ARHGAP24: variants seen among roughly 807,000 people sequenced by gnomAD.
The protein encoded by ARHGAP24 is Rho GTPase activating protein 24, also known as rho GTPase-activating protein 24.
A neutral mutation model predicts 76.4 loss-of-function variants in ARHGAP24; 50 were observed. The observed-to-expected ratio is 0.65, with a 90% CI of 0.52 to 0.83. The LOEUF is 0.83. ARHGAP24 is among the 40% of genes least tolerant of loss of function. The probability of loss-of-function intolerance (pLI) is 0.00; values close to 1 mark genes in which losing one functional copy is unlikely to be tolerated. For synonymous variants in ARHGAP24, 345 were observed against 323.3 expected, an observed-to-expected ratio of 1.07 and a Z score of -0.72; for missense variants, 930 against 914.2, an observed-to-expected ratio of 1.02 and a Z score of -0.22.
chr4:85,860,255 T>C (rs896257446), intron 3 of ARHGAP24, among the ~76,000 whole-genome samples: 1 of 151,670 alleles, frequency 6.6e-6, no homozygotes, highest in African/African-American at 2.4e-5. Context: ...TGTAGAGAGA[T>C]GGGGGAGTCA....
At chr4:85,669,647 ATATATATATAT>A (rs1722752989) in intron 2 of ARHGAP24, among the ~76,000 whole-genome samples, 1 of 6,826 alleles carries the variant, frequency 1.5e-4, no homozygotes, top group Non-Finnish European at 2.2e-4. Flanking sequence ...ACTTTCAAAT[ATATATATATAT>A]ATATATATAT....
At chr4:85,597,545 A>G (rs1719881548) in intron 2 of ARHGAP24, among the ~76,000 whole-genome samples, 1 of 152,082 alleles carries the variant, frequency 6.6e-6, no homozygotes, top group South Asian at 2.1e-4. Context: ...ATTCTCAGTC[A>G]TATGGCTACT....
At chr4:85,538,597 C>G (rs2110121295) in intron 1 of ARHGAP24, among the ~76,000 whole-genome samples, 1 of 152,214 alleles carries the variant, frequency 6.6e-6, no homozygotes, top group African/African-American at 2.4e-5. Flanking sequence ...CTCCACGCAC[C>G]TATTTGACTT....
chr4:85,997,908 C>T lies in ARHGAP24; in HGVS notation c.2003+2251C>T, dbSNP rs569840598. Among the ~76,000 whole-genome samples the T allele has an allele frequency of 7.8e-4, 119 of 152,232 alleles. 1 individual carries two copies. The highest frequency in any genetic ancestry group is 2.7e-3 in the African/African-American group (112 of 41,536). ...TTGACCTCAAATGATCCACCCACCT[C>T]GGCCTCCCAAAGTGCTGGGGTTACA... On this transcript the variant is annotated intron_variant, in intron 9 of 9. Transcript: ENST00000395184.
intron 2 of ARHGAP24, among the ~76,000 whole-genome samples, chr4:85,635,874 A>G (rs374720524): frequency 2.3e-4 from 35 of 152,030 alleles, no homozygotes; most frequent in African/African-American, 7.7e-4. Flanking sequence ...ACTAACACAC[A>G]TTATCAAAAT....
At chr4:85,557,824 A>G (rs1017122426) in intron 1 of ARHGAP24, among the ~76,000 whole-genome samples, 2 of 152,170 alleles carry the variant, frequency 1.3e-5, no homozygotes, top group Non-Finnish European at 2.9e-5. Flanking sequence ...AAGACTACAT[A>G]TTCTTAGTGA....
intron 1 of ARHGAP24, among the ~76,000 whole-genome samples, chr4:85,543,987 C>T (rs972936354): frequency 6.6e-6 from 1 of 152,114 alleles, no homozygotes; most frequent in Non-Finnish European, 1.5e-5. Flanking sequence ...TGTAATTTTT[C>T]CTGCTCCCAC....
chr4:85,668,180 A>G (rs1218413675), intron 2 of ARHGAP24, among the ~76,000 whole-genome samples: 1 of 152,188 alleles, frequency 6.6e-6, no homozygotes, highest in East Asian at 1.9e-4. Flanking sequence ...CACTTGCCCT[A>G]ACTTCCATTC....
At chr4:85,857,281 T>C (rs1278753387) in intron 3 of ARHGAP24, among the ~76,000 whole-genome samples, 1 of 152,220 alleles carries the variant, frequency 6.6e-6, no homozygotes, top group East Asian at 1.9e-4. Context: ...GGTTCTTTCA[T>C]AAATATTTAT....
At chr4:85,670,191 A>T (rs967197737) in intron 2 of ARHGAP24, among the ~76,000 whole-genome samples, 3 of 152,164 alleles carry the variant, frequency 2.0e-5, no homozygotes, top group Non-Finnish European at 1.5e-5. Flanking sequence ...ACGGTGCCTG[A>T]TGGTGCCAGC....
intron 3 of ARHGAP24, among the ~76,000 whole-genome samples, chr4:85,846,899 T>G (rs1730925269): frequency 6.6e-6 from 1 of 152,160 alleles, no homozygotes; most frequent in East Asian, 1.9e-4. Flanking sequence ...TTACAATAAT[T>G]TTACTGCCAG....
Position 86,000,477 on chromosome 4 carries a change from A to G in ARHGAP24, c.2004-2A>G. Reference sequence around the variant, plus strand: ...CCCCACCCCCCCCAACATCCTTTGTAGCTTAGAACAGCGAAACTTGACTTT... The same window carrying G: ...CCCCACCCCCCCCAACATCCTTTGTGGCTTAGAACAGCGAAACTTGACTTT... On this transcript the variant is annotated splice_acceptor_variant, in intron 9 of 9. Transcript: ENST00000395184. LOFTEE classifies it high-confidence loss of function. 1 of 1,176,686 alleles carries G rather than the reference A, an allele frequency of 8.5e-7. No individual in the cohort carries two copies. The highest frequency in any genetic ancestry group is 1.2e-6 in the Non-Finnish European group (1 of 868,332). The allele number at this position is 1,176,686 out of a possible 1,614,324, so 72.9% of individuals were successfully genotyped here.
chr4:85,970,128 T>A (rs1227233977), intron 5 of ARHGAP24, among the ~76,000 whole-genome samples: 3 of 152,120 alleles, frequency 2.0e-5, no homozygotes, highest in Non-Finnish European at 4.4e-5. Flanking sequence ...AGTCCTATGG[T>A]CCATGAGGTT....
rs150235779 is a variant in ARHGAP24, at chr4:85,585,061, A to G, written c.180+14340A>G. On this transcript the variant is annotated intron_variant, in intron 2 of 9. Transcript: ENST00000395184. Reference sequence around the variant, plus strand: ...ATATCTAATCCTCATTTTTTTTGCAATAATTCATGAAATAGCCTCTTTTAG... The same window carrying G: ...ATATCTAATCCTCATTTTTTTTGCAGTAATTCATGAAATAGCCTCTTTTAG... Among the ~76,000 whole-genome samples, 1,077 of 152,194 alleles carry G rather than the reference A, an allele frequency of 7.1e-3. 4 individuals carry two copies. The highest frequency in any genetic ancestry group is 0.011 in the Non-Finnish European group (741 of 67,974).
At chr4:85,692,715 G>A (rs375345795) in intron 2 of ARHGAP24, among the ~76,000 whole-genome samples, 2 of 152,140 alleles carry the variant, frequency 1.3e-5, no homozygotes, top group Non-Finnish European at 2.9e-5. Context: ...GCAGCTCTTG[G>A]ATTATTTTAC....
chr4:85,864,762 G>A lies in ARHGAP24; in HGVS notation c.269-58886G>A, dbSNP rs573396371. ...TGCAATGAGTAAGAGCAGTTAAGTA[G>A]TATATATGGAAATACGGACCAGTTA... On this transcript the variant is annotated intron_variant, in intron 3 of 9. Transcript: ENST00000395184. Among the ~76,000 whole-genome samples, 8 of 152,170 alleles carry A rather than the reference G, an allele frequency of 5.3e-5. No individual in the cohort carries two copies. The East Asian group carries it at 1.5e-3, about 29-fold the overall frequency.
At chr4:85,812,009 C>A (rs1362103841) in intron 3 of ARHGAP24, among the ~76,000 whole-genome samples, 1 of 152,062 alleles carries the variant, frequency 6.6e-6, no homozygotes, top group Non-Finnish European at 1.5e-5. Context: ...AACCCCGTCT[C>A]TACTAAAAAT....
intron 3 of ARHGAP24, among the ~76,000 whole-genome samples, chr4:85,829,096 C>A (rs759699689): frequency 6.6e-6 from 1 of 151,872 alleles, no homozygotes; most frequent in Non-Finnish European, 1.5e-5. Flanking sequence ...AGAAATGAAG[C>A]CAAGAACAAG....
intron 7 of ARHGAP24, among the ~76,000 whole-genome samples, chr4:85,975,995 G>C (rs142810229): frequency 6.6e-6 from 1 of 152,130 alleles, no homozygotes; most frequent in African/African-American, 2.4e-5. Flanking sequence ...TCATGCCATT[G>C]ACACCTTAGA....
Sources: gnomAD v4.1 joint callset for allele counts (sites outside exome capture counted in the v4.1 genomes callset) on GRCh38, gnomAD v4.1.1 for gene constraint, MANE v1.5 for transcripts, NCBI Gene and HGNC (gene_info 2026-07-23, HGNC 2026-07-21) for gene names.